The following COL14A1 variants were observed in gnomAD, a reference collection of about 807,000 sequenced individuals.
The protein encoded by COL14A1 is collagen type XIV alpha 1 chain.
In COL14A1, 136 loss-of-function variants were observed where a neutral mutation model predicts 230.3. The ratio of observed to expected loss-of-function variants is 0.59; its 90% CI spans 0.51 to 0.68. The LOEUF is 0.68. Among genes scored for constraint, COL14A1 ranks in the 30% least tolerant of loss-of-function variants. The pLI is 0.00. For synonymous variants in COL14A1, 792 were observed against 784.1 expected, an observed-to-expected ratio of 1.01 and a Z score of -0.17; for missense variants, 1,976 against 2,215.8, an observed-to-expected ratio of 0.89 and a Z score of 2.17.
chr8:120,348,949 T>C (rs1312530020), intron 45 of COL14A1, among the ~76,000 whole-genome samples: 2 of 152,234 alleles, frequency 1.3e-5, no homozygotes, highest in Non-Finnish European at 1.5e-5. Context: ...TTGGGTTTCA[T>C]TACCTTAGTT....
chr8:120,189,043 G>T (rs956636560), intron 5 of COL14A1, among the ~76,000 whole-genome samples: 4 of 152,156 alleles, frequency 2.6e-5, no homozygotes, highest in Admixed American at 2.6e-4. Flanking sequence ...TTGAATCTGG[G>T]CTCCTGCTTA....
intron 2 of COL14A1, among the ~76,000 whole-genome samples, chr8:120,153,687 A>C (rs912606334): frequency 2.2e-4 from 33 of 152,250 alleles, no homozygotes; most frequent in Admixed American, 1.2e-3. Context: ...TTGGTTGTGA[A>C]TAAAATAAAT....
At chr8:120,367,023 A>C (rs900170696) in intron 45 of COL14A1, 148 bp from the exon 46 acceptor site, 2 of 575,104 alleles carry the variant, frequency 3.5e-6, no homozygotes, top group Non-Finnish European at 6.2e-6. Flanking sequence ...TCAGAATGTA[A>C]TTTAAAAGTC....
chr8:120,335,082 G>C (rs1822006945), intron 42 of COL14A1, among the ~76,000 whole-genome samples: 1 of 152,134 alleles, frequency 6.6e-6, no homozygotes, highest in Non-Finnish European at 1.5e-5. Context: ...GACCCAAGAG[G>C]GAGGGAATGG....
intron 31 of COL14A1, 75 bp from the exon 32 acceptor site, chr8:120,283,561 T>C: frequency 6.9e-7 from 1 of 1,457,054 alleles, no homozygotes. Context: ...AATGAAAATG[T>C]ATTTGCTTTA....
intron 2 of COL14A1, among the ~76,000 whole-genome samples, chr8:120,157,007 C>T (rs932114720): frequency 6.6e-6 from 1 of 152,168 alleles, no homozygotes; most frequent in Admixed American, 6.5e-5. Context: ...GAAGTATTAA[C>T]TTTTCTTTTC....
chr8:120,261,741 A>G (rs1230723028), intron 23 of COL14A1, among the ~76,000 whole-genome samples: 1 of 152,154 alleles, frequency 6.6e-6, no homozygotes, highest in Non-Finnish European at 1.5e-5. Context: ...AGAAATTGAG[A>G]CTGAACTCTA....
rs1200232501 is a variant in COL14A1 at position 120,350,172 on chromosome 8, A to G, written c.5077+4609A>G. On this transcript the variant is annotated intron_variant, in intron 45 of 47. Transcript: ENST00000297848. ...GTGAAGGAGAAAGAAAATACTTTAC[A>G]GACAAGCAAATGCTGAGAGATTTTG... Among the ~76,000 whole-genome samples, 6 of 152,314 alleles carry G rather than the reference A, an allele frequency of 3.9e-5. No individual in the cohort carries two copies. In the East Asian group the frequency reaches 1.2e-3, roughly 29 times the overall value.
chr8:120,220,895 T>C (rs1413048568), intron 14 of COL14A1, among the ~76,000 whole-genome samples: 2 of 152,176 alleles, frequency 1.3e-5, no homozygotes, highest in Non-Finnish European at 2.9e-5. Context: ...ATAATGGTGA[T>C]GATTATAATG....
chr8:120,166,149 C>T (rs146446845), intron 4 of COL14A1, among the ~76,000 whole-genome samples: 48 of 152,196 alleles, frequency 3.2e-4, no homozygotes, highest in East Asian at 9.7e-4. Context: ...GAGTAACTCC[C>T]GAGTAGAGAC....
At chr8:120,184,953 A>G (rs1389472356) in intron 5 of COL14A1, among the ~76,000 whole-genome samples, 1 of 152,220 alleles carries the variant, frequency 6.6e-6, no homozygotes, top group Non-Finnish European at 1.5e-5. Context: ...TGTTGGGTCA[A>G]ATGTGCAGGC....
At chr8:120,340,628 T>A (rs1439065240) in intron 42 of COL14A1, among the ~76,000 whole-genome samples, 1 of 152,242 alleles carries the variant, frequency 6.6e-6, no homozygotes, top group Non-Finnish European at 1.5e-5. Flanking sequence ...ATTAGATGTA[T>A]GATTTTTTTG....
chr8:120,198,864 G>A (rs970451974), intron 7 of COL14A1, among the ~76,000 whole-genome samples: 1 of 152,120 alleles, frequency 6.6e-6, no homozygotes, highest in Non-Finnish European at 1.5e-5. Context: ...TGTTAATGCA[G>A]CAAACAATTT....
intron 1 of COL14A1, among the ~76,000 whole-genome samples, chr8:120,143,492 C>A (rs549840580): frequency 6.6e-6 from 1 of 152,010 alleles, no homozygotes; most frequent in South Asian, 2.1e-4. Flanking sequence ...ATTGGCCGGG[C>A]GTGGTGCACA....
At chr8:120,180,701 C>CT (rs34377563) in intron 5 of COL14A1, among the ~76,000 whole-genome samples, 6,490 of 83,530 alleles carry the variant, frequency 0.078, 392 homozygotes, top group African/African-American at 0.098. Context: ...GGTAGGAAGC[C>CT]TTTTTTTTTT....
intron 45 of COL14A1, among the ~76,000 whole-genome samples, chr8:120,363,907 A>G (rs182009393): frequency 4.6e-5 from 7 of 152,350 alleles, no homozygotes; most frequent in African/African-American, 1.7e-4. Flanking sequence ...CATGATATTT[A>G]TACATTGGGG....
chr8:120,342,666 C>T (rs1822347936), intron 44 of COL14A1, among the ~76,000 whole-genome samples: 1 of 152,162 alleles, frequency 6.6e-6, no homozygotes, highest in Non-Finnish European at 1.5e-5. Flanking sequence ...TCCTTTGTGT[C>T]ATTGGTCCAA....
chr8:120,367,365 C>A, intron 46 of COL14A1, 117 bp downstream of exon 46: 1 of 818,492 alleles, frequency 1.2e-6, no homozygotes, highest in Non-Finnish European at 1.9e-6. Flanking sequence ...GGCTGTATTT[C>A]TTACTTGTTT....
At chr8:120,320,076 G>A (rs868615186) in intron 40 of COL14A1, among the ~76,000 whole-genome samples, 10 of 151,840 alleles carry the variant, frequency 6.6e-5, no homozygotes, top group Middle Eastern at 3.4e-3. Flanking sequence ...CTAGACATCA[G>A]GGTGGTCCTC....
Sources: gnomAD v4.1 joint callset for allele counts (sites outside exome capture counted in the v4.1 genomes callset) on GRCh38, gnomAD v4.1.1 for gene constraint, MANE v1.5 for transcripts, NCBI Gene and HGNC (gene_info 2026-07-23, HGNC 2026-07-21) for gene names.